QTMAN: variants seen among roughly 807,000 people sequenced by gnomAD.
QTMAN encodes queuosine-tRNA mannosyltransferase.
the QTMAN span, chr2:144,208,948 T>C: frequency 2.0e-6 from 1 of 498,960 alleles, no homozygotes; most frequent in Non-Finnish European, 3.5e-6. Context: ...TCCCATTATT[T>C]AAATAAGTAT....
chr2:144,240,654 C>T, the QTMAN span, among the ~76,000 whole-genome samples: 1 of 152,186 alleles, frequency 6.6e-6, no homozygotes, highest in Non-Finnish European at 1.5e-5. Flanking sequence ...CAAATATTAA[C>T]ATAAAATCCA....
the QTMAN span, among the ~76,000 whole-genome samples, chr2:144,217,491 C>T: frequency 6.6e-6 from 1 of 151,848 alleles, no homozygotes; most frequent in South Asian, 2.1e-4. Context: ...ATAAATGTCA[C>T]TATAAATTAA....
At chr2:143,966,548 C>T in the QTMAN span, among the ~76,000 whole-genome samples, 16 of 152,164 alleles carry the variant, frequency 1.1e-4, no homozygotes, top group African/African-American at 3.6e-4. Context: ...CTGAGGAAAA[C>T]GGACTCCCAG....
chr2:144,204,549 T>C, the QTMAN span, among the ~76,000 whole-genome samples: 2 of 152,250 alleles, frequency 1.3e-5, no homozygotes, highest in African/African-American at 2.4e-5. Flanking sequence ...TTGTTGGGAC[T>C]GTAAGCTAGT....
the QTMAN span, among the ~76,000 whole-genome samples, chr2:144,041,463 C>G: frequency 1.3e-5 from 2 of 152,194 alleles, no homozygotes; most frequent in Non-Finnish European, 2.9e-5. Flanking sequence ...ATGTACAATA[C>G]ACTCTCAGGG....
chr2:144,277,022 T>C, the QTMAN span, among the ~76,000 whole-genome samples: 1 of 152,212 alleles, frequency 6.6e-6, no homozygotes, highest in African/African-American at 2.4e-5. Context: ...TAAACATGCA[T>C]ATTGTATATT....
At chr2:144,279,886 T>C in the QTMAN span, among the ~76,000 whole-genome samples, 9 of 152,070 alleles carry the variant, frequency 5.9e-5, no homozygotes, top group East Asian at 1.9e-4. Context: ...ATGAGTCAAG[T>C]AGACATTTAC....
At chr2:143,966,889 T>C in the QTMAN span, among the ~76,000 whole-genome samples, 2 of 152,254 alleles carry the variant, frequency 1.3e-5, no homozygotes, top group African/African-American at 4.8e-5. Context: ...GCAGTAAAAC[T>C]TGGCACTAAT....
chr2:144,230,383 A>T, the QTMAN span: 1 of 152,210 alleles, frequency 6.6e-6, no homozygotes, highest in Non-Finnish European at 1.5e-5. Context: ...TAGCATTACC[A>T]GGCAACCACA....
the QTMAN span, among the ~76,000 whole-genome samples, chr2:144,064,110 A>C: frequency 6.6e-6 from 1 of 152,186 alleles, no homozygotes; most frequent in African/African-American, 2.4e-5. Context: ...GAAGCATAAG[A>C]AGCAATGCAA....
At chr2:144,191,840 A>G in the QTMAN span, among the ~76,000 whole-genome samples, 3 of 152,246 alleles carry the variant, frequency 2.0e-5, no homozygotes, top group African/African-American at 2.4e-5. Context: ...TCAAGAATCC[A>G]TAAGTTAATT....
At chr2:144,099,506 C>T in the QTMAN span, among the ~76,000 whole-genome samples, 4 of 152,146 alleles carry the variant, frequency 2.6e-5, no homozygotes, top group Non-Finnish European at 4.4e-5. Flanking sequence ...AACAAGTATT[C>T]AAGCAAGGAA....
At chr2:144,001,834 T>A in the QTMAN span, among the ~76,000 whole-genome samples, 1 of 151,512 alleles carries the variant, frequency 6.6e-6, no homozygotes, top group Non-Finnish European at 1.5e-5. Context: ...AAAAAAAAAT[T>A]AATATTCAGG....
the QTMAN span, among the ~76,000 whole-genome samples, chr2:144,329,811 G>A: frequency 2.0e-5 from 3 of 152,128 alleles, no homozygotes; most frequent in African/African-American, 4.8e-5. Context: ...CATGATTCAG[G>A]ACTTCCAGGC....
the QTMAN span, among the ~76,000 whole-genome samples, chr2:144,187,359 G>C: frequency 6.6e-6 from 1 of 152,128 alleles, no homozygotes; most frequent in Non-Finnish European, 1.5e-5. Context: ...TTAACAACCT[G>C]CTCTTTCCAA....
At chr2:144,141,999 G>T in the QTMAN span, 5 of 1,609,382 alleles carry the variant, frequency 3.1e-6, no homozygotes, top group African/African-American at 1.3e-5. Context: ...TCCCATGGAA[G>T]TGAGAAATGA....
chr2:143,992,094 G>C, the QTMAN span, among the ~76,000 whole-genome samples: 2 of 152,134 alleles, frequency 1.3e-5, no homozygotes, highest in East Asian at 1.9e-4. Flanking sequence ...AATAGAAAGC[G>C]GGGAAAGGTG....
chr2:144,115,994 C>A, the QTMAN span, among the ~76,000 whole-genome samples: 1 of 152,064 alleles, frequency 6.6e-6, no homozygotes, highest in Non-Finnish European at 1.5e-5. Flanking sequence ...CTTCTAGTTG[C>A]TACTACCAAG....
the QTMAN span, among the ~76,000 whole-genome samples, chr2:144,100,540 G>T: frequency 2.0e-5 from 3 of 152,096 alleles, no homozygotes; most frequent in African/African-American, 7.2e-5. Context: ...ATAACCATTG[G>T]AACTTAAATT....
Sources: allele counts gnomAD v4.1 joint callset (sites outside exome capture counted in the v4.1 genomes callset), GRCh38; gene constraint gnomAD v4.1.1; transcripts MANE v1.5; gene names NCBI Gene and HGNC (gene_info 2026-07-23, HGNC 2026-07-21).